The following MYPOP variants were observed in gnomAD, a reference collection of about 807,000 sequenced individuals.
The protein encoded by MYPOP is myb-related transcription factor, partner of profilin.
In MYPOP, 21 loss-of-function variants were observed where a neutral mutation model predicts 25.7. The ratio of observed to expected loss-of-function variants is 0.82; its 90% confidence interval spans 0.58 to 1.18. MYPOP has a LOEUF of 1.18. Ranked by LOEUF, MYPOP falls within the 50% of genes most tolerant of loss-of-function variation. MYPOP has a pLI of 0.00. For synonymous variants in MYPOP, 280 were observed against 247.9 expected (o/e 1.13, Z -1.22); for missense variants, 566 against 588.3 (o/e 0.96, Z 0.39).
chr19:45,894,079 G>A (rs907656396), intron 2 of MYPOP, among the ~76,000 whole-genome samples: 11 of 150,806 alleles, frequency 7.3e-5, no homozygotes, highest in East Asian at 2.0e-4. Context: ...ATGAGCCACC[G>A]CGCCTGATCC....
At position 45,890,848 on chromosome 19, in the gene MYPOP, G is replaced by A; in HGVS notation, c.975C>T (p.Pro325=). The A allele has an allele frequency of 6.9e-7, 1 of 1,440,704 alleles. No homozygotes were observed. The allele number at this position is 1,440,704 out of a possible 1,614,324, so 89.2% of individuals were successfully genotyped here. Residue 325 remains proline, a synonymous_variant, in exon 3 of 3, where the codon CCC becomes CCT. Transcript: ENST00000322217. Reference sequence around the variant, plus strand: ...TGATCTCCACCTTGGGGGCCGGTGGGGGCAGGACAGGCCTGGGAGGTGGCG... The same window carrying A: ...TGATCTCCACCTTGGGGGCCGGTGGAGGCAGGACAGGCCTGGGAGGTGGCG... ...PPPPPPRPVL[P]PPAPKVEITP... is the part of the protein sequence containing the mutation.
At position 45,891,011 on chromosome 19, in the gene MYPOP, T is replaced by A; in HGVS notation, c.812A>T (p.Asn271Ile). Residue 271 changes from asparagine (N) to isoleucine (I), a missense_variant, in exon 3 of 3, where the codon AAC becomes ATC. By Grantham distance (149) the Asn-to-Ile change is moderately radical. Transcript: ENST00000322217. ...DFLRAQQETANAIRELAGTLR... is the reference protein window; with the variant it reads ...DFLRAQQETAIAIRELAGTLR... The stretch of plus-strand genomic sequence containing the variant: ...GGTGCCGGCCAGCTCCCGGATGGCG[T>A]TGGCAGTCTCCTGCTGGGCCCGCAG... 1 of 1,529,806 alleles carries A rather than the reference T, an allele frequency of 6.5e-7. No homozygotes were observed. The allele number at this position is 1,529,806 out of a possible 1,614,324, so 94.8% of individuals were successfully genotyped here.
chr19:45,890,624 C>T lies in MYPOP; in HGVS notation c.1199G>A (p.Ter400=). 6.2e-7 allele frequency: 1 copy of T among 1,612,214 alleles called. No individual in the cohort carries two copies. The highest frequency in any genetic ancestry group is 8.5e-7 in the Non-Finnish European group (1 of 1,179,434). The change falls in exon 3 of 3, where the codon TGA becomes TAA. Residue 400 remains the stop codon, a stop_retained_variant. Coordinates refer to ENST00000322217, the MANE Select transcript of MYPOP (RefSeq NM_001012643.4). ...RKRRGRWKSP[*] is the part of the protein sequence containing the mutation. ...AGGCAGGATCATAGATAGTAGATTT[C>T]ACGGAGATTTCCATCGGCCGCGCCT... is the stretch of plus-strand genomic sequence containing the variant.
rs1484430340 is a variant in MYPOP at position 45,890,654 on chromosome 19, C to G, written c.1169G>C (p.Arg390Pro). The G allele has an allele frequency of 6.3e-7, 1 of 1,582,258 alleles. No homozygotes were observed. Among genetic ancestry groups the G allele is most frequent in the Admixed American group, 1.7e-5 (1 of 57,660 alleles). ...AGATTTCCATCGGCCGCGCCTTTTC[C>G]GTGTAGGGAAACCTTTTCTCCGCTT... is the stretch of plus-strand genomic sequence containing the variant. Reference protein sequence around the residue: ...PHKRRKGFPTRKRRGRWKSP With the variant: ...PHKRRKGFPTPKRRGRWKSP The change falls in exon 3 of 3, where the codon CGG becomes CCG. Residue 390 changes from arginine (R) to proline (P), a missense_variant. Coordinates refer to ENST00000322217, the MANE Select transcript of MYPOP (RefSeq NM_001012643.4).
At chr19:45,896,161 C>G (rs1967201437) in intron 2 of MYPOP, among the ~76,000 whole-genome samples, 1 of 152,066 alleles carries the variant, frequency 6.6e-6, no homozygotes, top group South Asian at 2.1e-4. Flanking sequence ...TGTGGTGGTG[C>G]ACGCCTGTGA....
intron 2 of MYPOP, among the ~76,000 whole-genome samples, chr19:45,899,161 G>A (rs1032245056): frequency 2.6e-5 from 4 of 152,218 alleles, no homozygotes; most frequent in African/African-American, 7.2e-5. Context: ...GGGAGGCGGA[G>A]GTTGCGGTGA....
chr19:45,895,745 A>G (rs920048524), intron 2 of MYPOP, among the ~76,000 whole-genome samples: 11 of 152,078 alleles, frequency 7.2e-5, no homozygotes, highest in African/African-American at 2.4e-4. Context: ...CCCACAGGAG[A>G]AAGTCCAGCC....
intron 2 of MYPOP, among the ~76,000 whole-genome samples, chr19:45,896,358 G>T (rs1467032630): frequency 6.6e-6 from 1 of 152,142 alleles, no homozygotes; most frequent in African/African-American, 2.4e-5. Context: ...GCCTCCCTGG[G>T]CCAGCCACCA....
In MYPOP at chr19:45,891,318, A is replaced by T; in HGVS notation, c.505T>A (p.Ser169Thr). 1 of 1,514,044 alleles carries T rather than the reference A, an allele frequency of 6.6e-7. No individual in the cohort carries two copies. Among genetic ancestry groups the T allele is most frequent in the Admixed American group, 2.1e-5 (1 of 47,012 alleles). The allele number at this position is 1,514,044 out of a possible 1,614,324, so 93.8% of individuals were successfully genotyped here. A position where few individuals can be genotyped will look rare whatever the true frequency, so the allele number is the denominator to read the frequency against. ...CTGGAGCCCGCCTTGCTGTGGGCTGATGTATCTGTAGAGAGAGAAATACAG... is the reference window on the plus strand; with the variant it reads ...CTGGAGCCCGCCTTGCTGTGGGCTGTTGTATCTGTAGAGAGAGAAATACAG... ...DRREDRRADT[S>T]AHSKAGSSSP... The change falls in exon 3 of 3, where the codon TCA becomes ACA. Residue 169 changes from serine to threonine, a missense_variant. Ser to Thr is a moderately conservative substitution (Grantham distance 58, BLOSUM62 1). Coordinates refer to ENST00000322217, the MANE Select transcript of MYPOP (RefSeq NM_001012643.4).
chr19:45,900,329 T>C (rs925996969), intron 2 of MYPOP, among the ~76,000 whole-genome samples: 1 of 152,216 alleles, frequency 6.6e-6, no homozygotes, highest in African/African-American at 2.4e-5. Flanking sequence ...GGCCAAGCTT[T>C]CTTGCCTCCA....
At position 45,901,190 on chromosome 19, in the gene MYPOP, C is replaced by T; in HGVS notation, c.499+85G>A. On this transcript the variant is annotated intron_variant, in intron 2 of 2. Transcript: ENST00000322217. This position sits in a 1 kb window ranked among gnomAD's most constrained non-coding sequence, Gnocchi z 5.7. ...AAATGGGGCGAAGGACAGCATCCAC[C>T]TCACAGGGCTGCAGCAAGGCTTTGA... 7.9e-7 allele frequency: 1 copy of T among 1,267,548 alleles called. No individual in the cohort carries two copies. Among genetic ancestry groups the T allele is most frequent in the Non-Finnish European group, 1.0e-6 (1 of 974,824 alleles). The allele number at this position is 1,267,548 out of a possible 1,614,324, so 78.5% of individuals were successfully genotyped here.
At position 45,890,611 on chromosome 19, in the gene MYPOP, A is replaced by T; in HGVS notation, c.*12T>A. On this transcript the variant is annotated 3_prime_UTR_variant, in exon 3 of 3. Transcript: ENST00000322217. ...GGAGAGGGGTTGCAGGCAGGATCAT[A>T]GATAGTAGATTTCACGGAGATTTCC... 2 of 1,609,698 alleles carry T rather than the reference A, an allele frequency of 1.2e-6. No homozygotes were observed. The highest frequency in any genetic ancestry group is 8.5e-7 in the Non-Finnish European group (1 of 1,177,976).
chr19:45,892,995 C>T (rs947444072), intron 2 of MYPOP, among the ~76,000 whole-genome samples: 6 of 152,334 alleles, frequency 3.9e-5, no homozygotes, highest in East Asian at 1.9e-4. Flanking sequence ...CAAATTTGGC[C>T]GCATGTGGTG....
In MYPOP at chr19:45,901,119, G is replaced by C. The variant is rs1187114390; in HGVS notation, c.499+156C>G. ...TTGACAGTTACTAGCTATCGGAACTGAGGCAAGTCATTTCATTTTTCTGAG... is the reference window on the plus strand; with the variant it reads ...TTGACAGTTACTAGCTATCGGAACTCAGGCAAGTCATTTCATTTTTCTGAG... On this transcript the variant is annotated intron_variant, in intron 2 of 2. Transcript: ENST00000322217. The surrounding 1 kb of genome is among the most constrained non-coding windows in gnomAD (Gnocchi z 5.7). 7.9e-5 allele frequency among the ~76,000 whole-genome samples: 12 copies of C among 152,240 alleles called. No individual in the cohort carries two copies. The highest frequency in any genetic ancestry group is 6.5e-4 in the Admixed American group (10 of 15,284).
At position 45,902,611 on chromosome 19, in the gene MYPOP, T is replaced by A. The variant is rs943834322; in HGVS notation, c.-94A>T. On this transcript the variant is annotated 5_prime_UTR_variant, in exon 1 of 3. Transcript: ENST00000322217. ...GCCGGTGGGTCAGGGCTCGGGCTTCTGCGGCCTGTTCCCACCCCCCGCCTC... is the reference window on the plus strand; with the variant it reads ...GCCGGTGGGTCAGGGCTCGGGCTTCAGCGGCCTGTTCCCACCCCCCGCCTC... 3 of 152,166 alleles carry A rather than the reference T, an allele frequency of 2.0e-5. No individual in the cohort carries two copies. Among genetic ancestry groups the A allele is most frequent in the African/African-American group, 7.2e-5 (3 of 41,424 alleles). The allele number at this position is 152,166 out of a possible 1,614,324, so 9.4% of individuals were successfully genotyped here.
intron 2 of MYPOP, among the ~76,000 whole-genome samples, chr19:45,897,735 T>C (rs2146380094): frequency 6.6e-6 from 1 of 151,848 alleles, no homozygotes; most frequent in East Asian, 1.9e-4. Context: ...TTGGATTATT[T>C]TGTAGAGATG....
Position 45,891,249 on chromosome 19 carries a change from CT to C in MYPOP, c.573del (p.Gly193AlafsTer95). ...PWARPSCTPQ[E>X]GGCPRPKERE... is the part of the protein sequence containing the mutation. ...CGCTCCTTGGGCCGTGGGCAGCCCC[CT>C]TCCTGGGGAGTGCAGGAGGGCCGGG... On this transcript the variant is annotated frameshift_variant, in exon 3 of 3. Transcript: ENST00000322217. LOFTEE classifies it high-confidence loss of function. The C allele has an allele frequency of 6.5e-7, 1 of 1,549,888 alleles. No homozygotes were observed.
rs1967119994 is a variant in MYPOP at position 45,891,246 on chromosome 19, C to T, written c.577G>A (p.Gly193Ser). ...ARPSCTPQEG[G>S]CPRPKERESP... ...TCACGCTCCTTGGGCCGTGGGCAGCCCCCTTCCTGGGGAGTGCAGGAGGGC... is the reference window on the plus strand; with the variant it reads ...TCACGCTCCTTGGGCCGTGGGCAGCTCCCTTCCTGGGGAGTGCAGGAGGGC... The change falls in exon 3 of 3, where the codon GGC becomes AGC. Residue 193 changes from glycine (G) to serine (S), a missense_variant. Transcript: ENST00000322217. 2 of 1,549,140 alleles carry T rather than the reference C, an allele frequency of 1.3e-6. No individual in the cohort carries two copies. The highest frequency in any genetic ancestry group is 1.3e-5 in the African/African-American group (1 of 74,320).
chr19:45,895,613 C>A (rs1051360995), intron 2 of MYPOP, among the ~76,000 whole-genome samples: 3 of 152,098 alleles, frequency 2.0e-5, no homozygotes, highest in Non-Finnish European at 2.9e-5. Flanking sequence ...TTGTATTGCT[C>A]CCTTCTGTTT....
Sources: allele counts gnomAD v4.1 joint callset (sites outside exome capture counted in the v4.1 genomes callset), GRCh38; gene constraint gnomAD v4.1.1; non-coding constraint Gnocchi (gnomAD v3.1); transcripts MANE v1.5; gene names NCBI Gene and HGNC (gene_info 2026-07-23, HGNC 2026-07-21).